Variants in NHSL1 observed in about 807,000 individuals in gnomAD.
The protein encoded by NHSL1 is NHS like 1, also known as NHS-like protein 1.
NHSL1 carries 48 observed loss-of-function variants against 95.0 expected under a neutral mutation model. The ratio of observed to expected loss-of-function variants is 0.51; its 90% CI spans 0.40 to 0.64. The LOEUF is 0.64. Ranked by LOEUF, NHSL1 falls within the 30% of genes least tolerant of loss-of-function variation. NHSL1 has a pLI of 0.00. For missense variants in NHSL1, 1,971 were observed against 2,077.7 expected, an observed-to-expected ratio of 0.95 and a Z score of 1.00; for synonymous variants, 783 against 833.9, an observed-to-expected ratio of 0.94 and a Z score of 1.05.
exon 1 of NHSL1, chr6:138,545,711 C>G (rs1209293968): frequency 1.0e-5 from 13 of 1,279,984 alleles, no homozygotes; most frequent in Non-Finnish European, 1.3e-5. Flanking sequence ...CAGCTGTCTC[C>G]CAGCCCACCT....
At chr6:138,518,476 A>ATT (rs79456955) in intron 1 of NHSL1, among the ~76,000 whole-genome samples, 2,362 of 137,004 alleles carry the variant, frequency 0.017, 24 homozygotes, top group Non-Finnish European at 0.021. Flanking sequence ...CACAGGAATG[A>ATT]TTTTTTTTTT....
At chr6:138,581,615 A>G (rs1190115545) in intron 1 of NHSL1, among the ~76,000 whole-genome samples, 1 of 150,088 alleles carries the variant, frequency 6.7e-6, no homozygotes, top group Non-Finnish European at 1.5e-5. Context: ...TCGCTTGAAC[A>G]CAGGAGACTG....
chr6:138,518,412 G>A (rs1296457464), intron 1 of NHSL1, among the ~76,000 whole-genome samples: 1 of 146,810 alleles, frequency 6.8e-6, no homozygotes. Context: ...TTTTTCAAGA[G>A]ATGCACAAAT....
chr6:138,613,990 C>T (rs765316779), intron 1 of NHSL1, among the ~76,000 whole-genome samples: 3 of 152,220 alleles, frequency 2.0e-5, no homozygotes, highest in Non-Finnish European at 4.4e-5. Flanking sequence ...ATATTGAGTG[C>T]TGCAGCAGAC....
intron 1 of NHSL1, among the ~76,000 whole-genome samples, chr6:138,511,369 AG>A (rs1354878045): frequency 1.3e-5 from 2 of 152,032 alleles, no homozygotes; most frequent in East Asian, 2.0e-4. Context: ...AAGGTGAGGT[AG>A]ACAAAAAACC....
At chr6:138,584,976 G>A (rs922800435) in intron 1 of NHSL1, among the ~76,000 whole-genome samples, 1 of 152,216 alleles carries the variant, frequency 6.6e-6, no homozygotes, top group Admixed American at 6.5e-5. Context: ...GGCCTTAACA[G>A]CTGTACTCAC....
intron 1 of NHSL1, among the ~76,000 whole-genome samples, chr6:138,580,461 C>T (rs999536949): frequency 6.6e-6 from 1 of 152,186 alleles, no homozygotes; most frequent in African/African-American, 2.4e-5. Flanking sequence ...GAGATTTAGC[C>T]AACCAGTGGT....
intron 3 of NHSL1, among the ~76,000 whole-genome samples, chr6:138,450,437 A>AC (rs1218037753): frequency 1.3e-5 from 2 of 152,248 alleles, no homozygotes; most frequent in Non-Finnish European, 2.9e-5. Context: ...CTTTCAGGCT[A>AC]CAGCTCTCTA....
intron 1 of NHSL1, chr6:138,650,307 T>C: frequency 1.3e-6 from 1 of 764,430 alleles, no homozygotes; most frequent in Admixed American, 1.8e-5. Flanking sequence ...ACTCAGGTAC[T>C]TCCAGCAGTG....
intron 1 of NHSL1, among the ~76,000 whole-genome samples, chr6:138,581,244 A>G (rs533469161): frequency 6.6e-6 from 1 of 152,332 alleles, no homozygotes; most frequent in East Asian, 1.9e-4. Flanking sequence ...TTTTGTAAGA[A>G]TTCTGAGATT....
intron 2 of NHSL1, among the ~76,000 whole-genome samples, chr6:138,477,597 T>C (rs1372699861): frequency 6.6e-6 from 1 of 152,170 alleles, no homozygotes; most frequent in African/African-American, 2.4e-5. Context: ...AGCAAGACCA[T>C]GCCTCTAAAA....
chr6:138,428,126 A>G (rs1219711256), intron 7 of NHSL1, among the ~76,000 whole-genome samples: 1 of 152,226 alleles, frequency 6.6e-6, no homozygotes, highest in African/African-American at 2.4e-5. Context: ...GACCCACAAC[A>G]GTTGGGTTTC....
intron 1 of NHSL1, among the ~76,000 whole-genome samples, chr6:138,516,554 C>T (rs1380447937): frequency 6.6e-6 from 1 of 152,076 alleles, no homozygotes; most frequent in African/African-American, 2.4e-5. Flanking sequence ...GACCTTAGAA[C>T]TCTCAGTTAG....
intron 3 of NHSL1, among the ~76,000 whole-genome samples, chr6:138,452,634 G>T (rs1777313369): frequency 6.6e-6 from 1 of 152,098 alleles, no homozygotes; most frequent in Non-Finnish European, 1.5e-5. Flanking sequence ...GTCCTTTTTG[G>T]AAGACACTTA....
At chr6:138,584,044 A>T (rs1213486836) in intron 1 of NHSL1, among the ~76,000 whole-genome samples, 5 of 152,202 alleles carry the variant, frequency 3.3e-5, no homozygotes, top group African/African-American at 9.6e-5. Flanking sequence ...ATGTGAGCCT[A>T]GGAGTTTGAG....
chr6:138,442,048 C>G lies in NHSL1; in HGVS notation c.599G>C (p.Arg200Pro). ...SLIYTDTLVR[R>P]PKKVKRRKTI... is the part of the protein sequence containing the mutation. Reference sequence around the variant, plus strand: ...CTTTCTCCTTTTGACTTTCTTCGGTCGTCTTACCAGAGTGTCTGTGTAAAT... The same window carrying G: ...CTTTCTCCTTTTGACTTTCTTCGGTGGTCTTACCAGAGTGTCTGTGTAAAT... The change falls in exon 5 of 8, where the codon CGA (arginine) becomes CCA (proline). Residue 200 changes from arginine (R) to proline (P), a missense_variant. This residue lies in a region of NHSL1 where 1,602 missense variants were observed against 1,654.5 expected (regional missense o/e 0.97). Coordinates refer to ENST00000343505, the MANE Select transcript of NHSL1 (RefSeq NM_001144060.2). 4 of 1,551,294 alleles carry G rather than the reference C, an allele frequency of 2.6e-6. No individual in the cohort carries two copies. Among genetic ancestry groups the G allele is most frequent in the Non-Finnish European group, 3.5e-6 (4 of 1,146,820 alleles).
chr6:138,566,399 A>AAATC (rs61127642), intron 1 of NHSL1, among the ~76,000 whole-genome samples: 33,227 of 149,798 alleles, frequency 0.22, 7,079 homozygotes, highest in African/African-American at 0.57. Context: ...CTCTGTCTCA[A>AAATC]AATCAATCAA....
chr6:138,487,704 C>T (rs1779809563), intron 2 of NHSL1, among the ~76,000 whole-genome samples: 1 of 152,150 alleles, frequency 6.6e-6, no homozygotes, highest in African/African-American at 2.4e-5. Context: ...AAGATGGGAC[C>T]TGACTTCCAA....
intron 1 of NHSL1, among the ~76,000 whole-genome samples, chr6:138,634,713 G>A (rs1361231356): frequency 6.6e-6 from 1 of 151,832 alleles, no homozygotes; most frequent in African/African-American, 2.4e-5. Context: ...GATATTTACA[G>A]AACATTGCAT....
Sources: allele counts gnomAD v4.1 joint callset (sites outside exome capture counted in the v4.1 genomes callset), GRCh38; gene constraint gnomAD v4.1.1; regional missense constraint gnomAD v4.1.1; transcripts MANE v1.5; gene names NCBI Gene and HGNC (gene_info 2026-07-23, HGNC 2026-07-21).